The following CCDC3 variants were observed in gnomAD, a reference collection of about 807,000 sequenced individuals.
CCDC3 encodes coiled-coil domain containing 3.
Under a neutral mutation model 21.4 loss-of-function variants are expected in CCDC3, and 24 were observed. The ratio of observed to expected loss-of-function variants is 1.12; its 90% CI spans 0.81 to 1.58. CCDC3 has a LOEUF of 1.58. CCDC3 is among the 40% of genes most tolerant of loss of function. CCDC3 has a pLI of 0.00. For missense variants in CCDC3, 425 were observed against 360.9 expected (o/e 1.18, Z -1.44); for synonymous variants, 186 against 166.0 (o/e 1.12, Z -0.93).
intron 5 of CCDC3, among the ~76,000 whole-genome samples, chr10:13,047,709 C>T (rs754635848): frequency 6.6e-6 from 1 of 152,134 alleles, no homozygotes; most frequent in Non-Finnish European, 1.5e-5. Context: ...CCTATGAGAC[C>T]TGGGTGATTC....
chr10:12,957,299 G>T (rs990135151), intron 2 of CCDC3, among the ~76,000 whole-genome samples: 6 of 152,184 alleles, frequency 3.9e-5, no homozygotes, highest in Non-Finnish European at 5.9e-5. Flanking sequence ...AGGGTTCGGG[G>T]CCGAGCTTAG....
intron 5 of CCDC3, among the ~76,000 whole-genome samples, chr10:13,022,444 A>G (rs1187431068): frequency 6.6e-6 from 1 of 152,192 alleles, no homozygotes; most frequent in Non-Finnish European, 1.5e-5. Flanking sequence ...GCTTCAACTC[A>G]GCATTTACCA....
intron 2 of CCDC3, among the ~76,000 whole-genome samples, chr10:12,899,116 T>C (rs1834055593): frequency 6.6e-6 from 1 of 151,614 alleles, no homozygotes; most frequent in African/African-American, 2.4e-5. Context: ...TGCTGGCCTG[T>C]CCAACTGAAG....
At chr10:13,093,576 T>C (rs956978128) in intron 3 of CCDC3, among the ~76,000 whole-genome samples, 7 of 152,118 alleles carry the variant, frequency 4.6e-5, no homozygotes, top group Non-Finnish European at 1.0e-4. Context: ...GAAAAACAAA[T>C]TCTAATTTTT....
chr10:12,999,140 T>C (rs1282320389), intron 1 of CCDC3, among the ~76,000 whole-genome samples: 1 of 152,162 alleles, frequency 6.6e-6, no homozygotes. Flanking sequence ...CTCAGAAGGC[T>C]GAGGCAGGAG....
intron 2 of CCDC3, among the ~76,000 whole-genome samples, chr10:12,955,429 G>A (rs1451255917): frequency 2.0e-5 from 3 of 152,198 alleles, no homozygotes; most frequent in Non-Finnish European, 4.4e-5. Flanking sequence ...GCAAATTCAA[G>A]TCATTTCCAG....
chr10:13,077,218 GACAA>G (rs1836975860), intron 3 of CCDC3, among the ~76,000 whole-genome samples: 1 of 152,066 alleles, frequency 6.6e-6, no homozygotes, highest in African/African-American at 2.4e-5. Context: ...ACCAATAACA[GACAA>G]ACAGAGAGCC....
chr10:13,030,294 G>C (rs1328328699), intron 5 of CCDC3, among the ~76,000 whole-genome samples: 1 of 152,168 alleles, frequency 6.6e-6, no homozygotes, highest in East Asian at 1.9e-4. Context: ...CAAATGCTGA[G>C]AGATTTTGTT....
chr10:13,026,885 GC>G (rs146267616), intron 5 of CCDC3, among the ~76,000 whole-genome samples: 10,555 of 152,178 alleles, frequency 0.069, 385 homozygotes, highest in East Asian at 0.11. Context: ...AGCTGCCTGG[GC>G]CGCCCCCGAG....
Position 13,082,829 on chromosome 10 carries a change from T to C in CCDC3, c.-502-8729A>G, listed in dbSNP as rs548273067. Among the ~76,000 whole-genome samples, 34 of 152,316 alleles carry C rather than the reference T, an allele frequency of 2.2e-4. No individual in the cohort carries two copies. In the South Asian group the frequency reaches 7.0e-3, roughly 32 times the overall value. On this transcript the variant is annotated intron_variant, in intron 3 of 6. Transcript: ENST00000378839. ...GGCCTGGTTTTTCCTAGGTTATAAT[T>C]GTAGAACAGAAATTATTATAACAGT...
chr10:13,082,699 G>A (rs149794798), intron 3 of CCDC3, among the ~76,000 whole-genome samples: 9 of 152,336 alleles, frequency 5.9e-5, no homozygotes, highest in East Asian at 1.9e-4. Flanking sequence ...TGGTGTTACC[G>A]CTAGACCAAG....
At chr10:12,998,001 T>A (rs1237868490) in intron 2 of CCDC3, among the ~76,000 whole-genome samples, 1 of 152,190 alleles carries the variant, frequency 6.6e-6, no homozygotes, top group Non-Finnish European at 1.5e-5. Context: ...TGTCCTGGGC[T>A]GCAGGTTGGA....
intron 2 of CCDC3, among the ~76,000 whole-genome samples, chr10:12,979,247 A>G (rs1291141080): frequency 1.3e-5 from 2 of 152,148 alleles, no homozygotes; most frequent in Admixed American, 1.3e-4. Context: ...GCCTACACTC[A>G]GAAGAATGCA....
intron 5 of CCDC3, among the ~76,000 whole-genome samples, chr10:13,013,946 C>T (rs895647990): frequency 2.6e-5 from 4 of 151,524 alleles, no homozygotes; most frequent in Admixed American, 1.3e-4. Flanking sequence ...AGGTCAGGAG[C>T]TTGAGACCAG....
chr10:13,009,314 G>A (rs1830891473), intron 5 of CCDC3, among the ~76,000 whole-genome samples: 1 of 152,152 alleles, frequency 6.6e-6, no homozygotes. Context: ...TAGGTTGGGA[G>A]ACTCAATATT....
chr10:12,936,720 C>T (rs1307553793), intron 2 of CCDC3, among the ~76,000 whole-genome samples: 1 of 152,170 alleles, frequency 6.6e-6, no homozygotes, highest in East Asian at 1.9e-4. Flanking sequence ...ATCTTTTAGG[C>T]AGATGCTGAG....
In CCDC3 at chr10:12,975,951, A is replaced by G. The variant is rs114033303; in HGVS notation, c.549+22387T>C. On this transcript the variant is annotated intron_variant, in intron 2 of 2. Transcript: ENST00000378825. ...TCCAAGACACACTCTTCTACACTGC[A>G]TTGTACTCTCTTGAAGGCAGGAGAT... is the stretch of plus-strand genomic sequence containing the variant. 2.3e-3 allele frequency among the ~76,000 whole-genome samples: 350 copies of G among 152,320 alleles called. 1 individual carries two copies. The highest frequency in any genetic ancestry group is 8.1e-3 in the African/African-American group (337 of 41,560).
chr10:12,977,354 T>A (rs694781), intron 2 of CCDC3, among the ~76,000 whole-genome samples: 80,217 of 151,892 alleles, frequency 0.53, 21,227 homozygotes, highest in South Asian at 0.59. Context: ...GAAAGTGTCG[T>A]GTCTTTAAGA....
chr10:13,002,333 G>A (rs964313825), upstream of CCDC3, among the ~76,000 whole-genome samples: 3 of 152,150 alleles, frequency 2.0e-5, no homozygotes, highest in African/African-American at 4.8e-5. Flanking sequence ...TGAATTTGAG[G>A]ATACTGACTC....
Sources: allele counts gnomAD v4.1 joint callset (sites outside exome capture counted in the v4.1 genomes callset), GRCh38; gene constraint gnomAD v4.1.1; transcripts MANE v1.5; gene names NCBI Gene and HGNC (gene_info 2026-07-23, HGNC 2026-07-21).